The following CACNA2D3 variants were observed in gnomAD, a reference collection of about 807,000 sequenced individuals.
CACNA2D3 encodes calcium voltage-gated channel auxiliary subunit alpha2delta 3, also known as voltage-dependent calcium channel subunit alpha-2/delta-3.
In CACNA2D3, 60 loss-of-function variants were observed where a neutral mutation model predicts 160.6. The ratio of observed to expected loss-of-function variants is 0.37; its 90% CI spans 0.30 to 0.46. The LOEUF (loss-of-function observed/expected upper bound fraction) is 0.46. Ranked by LOEUF, CACNA2D3 falls within the 20% of genes least tolerant of loss-of-function variation. The pLI is 1.00. For missense variants in CACNA2D3, 1,205 were observed against 1,365.0 expected, an observed-to-expected ratio of 0.88 and a Z score of 1.85; for synonymous variants, 558 against 492.9, an observed-to-expected ratio of 1.13 and a Z score of -1.75.
rs114393495 is a variant in CACNA2D3 at position 55,012,287 on chromosome 3, G to A, written c.2875+2844G>A. ...CCATGCATGGTGGGTGGGCGCTCATGCTTTGGGTGGTGGTGGTTTTTTTTT... is the reference window on the plus strand; with the variant it reads ...CCATGCATGGTGGGTGGGCGCTCATACTTTGGGTGGTGGTGGTTTTTTTTT... On this transcript the variant is annotated intron_variant, in intron 34 of 37. Coordinates refer to ENST00000474759, the MANE Select transcript of CACNA2D3 (RefSeq NM_018398.3). 3.3e-3 allele frequency among the ~76,000 whole-genome samples: 501 copies of A among 152,234 alleles called. 4 individuals are homozygous for A. Among genetic ancestry groups the A allele is most frequent in the African/African-American group, 0.011 (474 of 41,534 alleles).
In CACNA2D3 at chr3:54,633,280, G is replaced by C. The variant is rs947684346; in HGVS notation, c.1053+5404G>C. ...AATTGGAGAGTAGATTCTAGAGCTTGATGGTCTGGATTCAAATCCCAGCTA... is the reference window on the plus strand; with the variant it reads ...AATTGGAGAGTAGATTCTAGAGCTTCATGGTCTGGATTCAAATCCCAGCTA... On this transcript the variant is annotated intron_variant, in intron 10 of 37. Transcript: ENST00000474759. 2.6e-5 allele frequency among the ~76,000 whole-genome samples: 4 copies of C among 152,206 alleles called. No homozygotes were observed. In the East Asian group the frequency reaches 5.8e-4, roughly 22 times the overall value.
intron 30 of CACNA2D3, among the ~76,000 whole-genome samples, 187 bp from the exon 31 acceptor site, chr3:54,987,496 A>G (rs1399224324): frequency 6.6e-6 from 1 of 152,192 alleles, no homozygotes; most frequent in African/African-American, 2.4e-5. Context: ...AAGCATTCAC[A>G]TCTGCTCTCT....
intron 34 of CACNA2D3, 26 bp from the exon 35 acceptor site, chr3:55,018,180 C>CTT: frequency 1.4e-6 from 2 of 1,455,494 alleles, no homozygotes; most frequent in African/African-American, 1.4e-5. Flanking sequence ...CATTCTTTAC[C>CTT]TTTTTTTTTC....
intron 18 of CACNA2D3, among the ~76,000 whole-genome samples, chr3:54,872,464 T>C (rs1699557667): frequency 6.6e-6 from 1 of 152,142 alleles, no homozygotes; most frequent in Non-Finnish European, 1.5e-5. Flanking sequence ...GGTCCTTTCT[T>C]AAGTTCCACT....
chr3:54,325,610 T>C (rs1704105513), intron 3 of CACNA2D3, among the ~76,000 whole-genome samples: 1 of 152,150 alleles, frequency 6.6e-6, no homozygotes, highest in Non-Finnish European at 1.5e-5. Flanking sequence ...CCACAAACTT[T>C]AACAGGTTTC....
At chr3:54,702,011 G>A (rs953574655) in intron 11 of CACNA2D3, among the ~76,000 whole-genome samples, 1 of 152,118 alleles carries the variant, frequency 6.6e-6, no homozygotes, top group South Asian at 2.1e-4. Context: ...ATGGGGAAAG[G>A]ACTCCCTATT....
chr3:54,746,652 CT>C, intron 11 of CACNA2D3, among the ~76,000 whole-genome samples: 1 of 152,284 alleles, frequency 6.6e-6, no homozygotes, highest in East Asian at 1.9e-4. Flanking sequence ...AACTTGCTTG[CT>C]TTTAAAGGTA....
intron 35 of CACNA2D3, among the ~76,000 whole-genome samples, chr3:55,054,506 A>G (rs917598510): frequency 2.6e-5 from 4 of 151,440 alleles, no homozygotes; most frequent in African/African-American, 9.7e-5. Flanking sequence ...GTTCATTTAT[A>G]TAGTTTACAT....
At chr3:54,292,083 C>T (rs1044328636) in intron 2 of CACNA2D3, among the ~76,000 whole-genome samples, 1 of 151,968 alleles carries the variant, frequency 6.6e-6, no homozygotes, top group Non-Finnish European at 1.5e-5. Flanking sequence ...AAAATCTTTT[C>T]AACAAATGGT....
chr3:54,458,498 A>T (rs1700439606), intron 4 of CACNA2D3, among the ~76,000 whole-genome samples: 1 of 149,304 alleles, frequency 6.7e-6, no homozygotes, highest in South Asian at 2.1e-4. Context: ...TCATCGAATT[A>T]TTTCCTGGCC....
intron 4 of CACNA2D3, among the ~76,000 whole-genome samples, chr3:54,439,760 T>C (rs528084506): frequency 9.2e-5 from 14 of 152,208 alleles, no homozygotes; most frequent in African/African-American, 3.4e-4. Flanking sequence ...AAATACACTT[T>C]CCTCATGATG....
In CACNA2D3 at chr3:54,315,805, A is replaced by G. The variant is rs1309727129; in HGVS notation, c.205-4637A>G. On this transcript the variant is annotated intron_variant, in intron 2 of 37. Coordinates refer to ENST00000474759, the MANE Select transcript of CACNA2D3 (RefSeq NM_018398.3). Reference sequence around the variant, plus strand: ...GATACACACAGGACTCATTTTACTGACTTCCTTAGACTCTGGTAATGAAGA... The same window carrying G: ...GATACACACAGGACTCATTTTACTGGCTTCCTTAGACTCTGGTAATGAAGA... Among the ~76,000 whole-genome samples the G allele has an allele frequency of 3.9e-5, 6 of 152,270 alleles. No homozygotes were observed. In the East Asian group the frequency reaches 1.2e-3, roughly 29 times the overall value.
chr3:54,154,693 G>A lies in CACNA2D3; in HGVS notation c.204+31099G>A, dbSNP rs563987794. 7.2e-5 allele frequency among the ~76,000 whole-genome samples: 11 copies of A among 152,142 alleles called. No individual in the cohort carries two copies. In the East Asian group the frequency reaches 2.1e-3, roughly 29 times the overall value. ...ACCCAGTCTGCCTTTGTAGAGTCTG[G>A]CCAAGTGAGGTTTTGTCCAACCAGA... On this transcript the variant is annotated intron_variant, in intron 2 of 37. Transcript: ENST00000474759.
chr3:55,070,884 C>T (rs1210964394), intron 35 of CACNA2D3, among the ~76,000 whole-genome samples: 1 of 152,102 alleles, frequency 6.6e-6, no homozygotes, highest in Non-Finnish European at 1.5e-5. Flanking sequence ...GTAATCAGTA[C>T]TATAGGTTCT....
At position 54,927,789 on chromosome 3, in the gene CACNA2D3, G is replaced by T. The variant is rs569637494; in HGVS notation, c.2449+27921G>T. 2.7e-6 allele frequency: 3 copies of T among 1,093,280 alleles called. No homozygotes were observed. The East Asian group carries it at 7.1e-5, about 26-fold the overall frequency. 67.7% of individuals were successfully genotyped at this position (1,093,280 alleles called of 1,614,324 possible). On this transcript the variant is annotated intron_variant, in intron 27 of 37. Transcript: ENST00000474759. ...CCATGCAGAGACATTTTTCATATCT[G>T]TCCAGTCTTTTAAGACAGACGACTT... is the stretch of plus-strand genomic sequence containing the variant.
rs969822807 is a variant in CACNA2D3 at position 54,648,783 on chromosome 3, G to A, written c.1167+6542G>A. 5.9e-5 allele frequency among the ~76,000 whole-genome samples: 9 copies of A among 152,230 alleles called. No homozygotes were observed. In the East Asian group the frequency reaches 1.7e-3, roughly 29 times the overall value. ...CATGCTGTTTCCACTAATGGCAGAA[G>A]GTGAAGGAGGAGCAGGTATGTCACA... On this transcript the variant is annotated intron_variant, in intron 11 of 37. Coordinates refer to ENST00000474759, the MANE Select transcript of CACNA2D3 (RefSeq NM_018398.3).
chr3:54,910,947 G>A (rs1700542276), intron 27 of CACNA2D3, among the ~76,000 whole-genome samples: 2 of 152,074 alleles, frequency 1.3e-5, no homozygotes, highest in African/African-American at 2.4e-5. Flanking sequence ...GTACTCAAAA[G>A]TAGACAGAAA....
chr3:54,290,540 C>G (rs1333294047), intron 2 of CACNA2D3, among the ~76,000 whole-genome samples: 1 of 151,244 alleles, frequency 6.6e-6, no homozygotes, highest in African/African-American at 2.4e-5. Flanking sequence ...ACCATTTGAC[C>G]CAGCCATCCC....
At chr3:54,635,875 C>T (rs985304217) in intron 10 of CACNA2D3, among the ~76,000 whole-genome samples, 12 of 152,078 alleles carry the variant, frequency 7.9e-5, no homozygotes, top group East Asian at 1.9e-4. Flanking sequence ...TCTGACAGAA[C>T]GGAAGAAATG....
Sources: gnomAD v4.1 joint callset for allele counts (sites outside exome capture counted in the v4.1 genomes callset) on GRCh38, gnomAD v4.1.1 for gene constraint, MANE v1.5 for transcripts, NCBI Gene and HGNC (gene_info 2026-07-23, HGNC 2026-07-21) for gene names.